METTL14: variants seen among roughly 807,000 people sequenced by gnomAD.
The protein encoded by METTL14 is methyltransferase 14, N6-adenosine-methyltransferase non-catalytic subunit.
Under a neutral mutation model 62.4 loss-of-function variants are expected in METTL14, and 32 were observed. The ratio of observed to expected loss-of-function variants is 0.51; its 90% confidence interval spans 0.39 to 0.69. The LOEUF (loss-of-function observed/expected upper bound fraction) is 0.69. Among genes scored for constraint, METTL14 ranks in the 30% least tolerant of loss-of-function variants. The pLI is 0.00. For synonymous variants in METTL14, 150 were observed against 180.0 expected (o/e 0.83, Z 1.34); for missense variants, 340 against 551.9 (o/e 0.62, Z 3.85).
rs769233439 is a variant in METTL14 at position 118,685,542 on chromosome 4, G to A, written c.8G>A (p.Ser3Asn). ...AAAAGCCGGAGTTGGAACATGGATAGCCGCTTGCAGGAGATCCGGGAGCGG... is the reference window on the plus strand; with the variant it reads ...AAAAGCCGGAGTTGGAACATGGATAACCGCTTGCAGGAGATCCGGGAGCGG... MDSRLQEIRERQK... is the reference protein window; with the variant it reads MDNRLQEIRERQK... The change falls in exon 1 of 11, where the codon AGC becomes AAC. Residue 3 changes from serine (S) to asparagine (N), a missense_variant. This residue lies in a region of METTL14 where 111 missense variants were observed against 116.6 expected (regional missense o/e 0.95). Coordinates refer to ENST00000388822, the MANE Select transcript of METTL14 (RefSeq NM_020961.4). The A allele has an allele frequency of 6.2e-6, 10 of 1,614,080 alleles. No individual in the cohort carries two copies. Among genetic ancestry groups the A allele is most frequent in the African/African-American group, 1.3e-5 (1 of 74,940 alleles).
rs419292 is a variant in METTL14, at chr4:118,712,975, T to C, written c.*2673T>C. 0.66 allele frequency: 99,671 copies of C among 151,964 alleles called. 33,635 individuals carry two copies. The highest frequency in any genetic ancestry group is 0.73 in the Non-Finnish European group (49,385 of 67,988). The allele number at this position is 151,964 out of a possible 1,614,324, so 9.4% of individuals were successfully genotyped here. ...ATTTTATGGTGTGGAATACCATACC[T>C]AAACACAAATGAATCAGATTAGACC... On this transcript the variant is annotated 3_prime_UTR_variant, in exon 11 of 11. Transcript: ENST00000388822.
At chr4:118,702,732 C>A (rs1724631287) in intron 8 of METTL14, among the ~76,000 whole-genome samples, 1 of 152,024 alleles carries the variant, frequency 6.6e-6, no homozygotes, top group Admixed American at 6.6e-5. Context: ...GCCAAGATTA[C>A]CACACTGAAC....
At position 118,711,313 on chromosome 4, in the gene METTL14, C is replaced by T. The variant is rs1724913998; in HGVS notation, c.*1011C>T. On this transcript the variant is annotated 3_prime_UTR_variant, in exon 11 of 11. Coordinates refer to ENST00000388822, the MANE Select transcript of METTL14 (RefSeq NM_020961.4). ...TGTTTGTTTTTAAAATTATATAAGA[C>T]TTTATGCTGTCACTTCTCTTGCTGT... 6.6e-6 allele frequency: 1 copy of T among 152,026 alleles called. No individual in the cohort carries two copies. The highest frequency in any genetic ancestry group is 6.6e-5 in the Admixed American group (1 of 15,262). 9.4% of individuals were successfully genotyped at this position (152,026 alleles called of 1,614,324 possible).
intron 10 of METTL14, among the ~76,000 whole-genome samples, chr4:118,708,577 T>C (rs954711922): frequency 1.3e-5 from 2 of 152,070 alleles, no homozygotes; most frequent in African/African-American, 4.8e-5. Flanking sequence ...ACTGTATTCA[T>C]GCACTTTTAG....
At chr4:118,707,051 T>C (rs1304502456) in intron 10 of METTL14, among the ~76,000 whole-genome samples, 1 of 152,174 alleles carries the variant, frequency 6.6e-6, no homozygotes, top group Non-Finnish European at 1.5e-5. Flanking sequence ...CCTTGTTGCA[T>C]GTTTATTTTT....
chr4:118,685,550 C>G lies in METTL14; in HGVS notation c.16C>G (p.Gln6Glu). The G allele has an allele frequency of 6.2e-7, 1 of 1,614,134 alleles. No homozygotes were observed. The highest frequency in any genetic ancestry group is 2.2e-5 in the East Asian group (1 of 44,866). ...GAGTTGGAACATGGATAGCCGCTTGCAGGAGATCCGGGAGCGGCAGAAGTT... is the reference window on the plus strand; with the variant it reads ...GAGTTGGAACATGGATAGCCGCTTGGAGGAGATCCGGGAGCGGCAGAAGTT... MDSRL[Q>E]EIRERQKLRR... Residue 6 changes from glutamine to glutamate, a missense_variant, in exon 1 of 11, where the codon CAG becomes GAG. Physicochemically the swap from Gln to Glu is conservative, Grantham distance 29. Transcript: ENST00000388822.
chr4:118,704,180 A>G, intron 9 of METTL14, 129 bp downstream of exon 9: 1 of 617,978 alleles, frequency 1.6e-6, no homozygotes, highest in Non-Finnish European at 2.8e-6. Flanking sequence ...GACAGCATTG[A>G]GCATTACAGG....
At chr4:118,695,914 G>A (rs1251080948) in intron 6 of METTL14, among the ~76,000 whole-genome samples, 2 of 151,538 alleles carry the variant, frequency 1.3e-5, no homozygotes, top group Non-Finnish European at 2.9e-5. Flanking sequence ...GATCAAGACC[G>A]TCTTGGCCAA....
In METTL14 at chr4:118,710,005, C is replaced by G. The variant is rs11931194; in HGVS notation, c.1074C>G (p.Leu358=). The part of the protein sequence containing the change: ...GRDSTIRPGW[L]TVGPTLTNSN... ...TTTTTTCCTCCATTTCAGGCTGGCT[C>G]ACAGTTGGACCAACGCTTACAAATA... is the stretch of plus-strand genomic sequence containing the variant. The change falls in exon 11 of 11, where the codon CTC becomes CTG. Residue 358 remains leucine, a synonymous_variant. Transcript: ENST00000388822. 1.3e-6 allele frequency: 2 copies of G among 1,593,584 alleles called. No individual in the cohort carries two copies. Among genetic ancestry groups the G allele is most frequent in the Non-Finnish European group, 1.7e-6 (2 of 1,170,038 alleles).
intron 5 of METTL14, 103 bp from the exon 6 acceptor site, chr4:118,694,333 G>A (rs891565868): frequency 1.4e-6 from 1 of 698,758 alleles, no homozygotes; most frequent in East Asian, 2.7e-5. Context: ...GAGTCAAGTG[G>A]CATGTGTATT....
At chr4:118,694,125 TG>T (rs976507832) in intron 5 of METTL14, among the ~76,000 whole-genome samples, 3 of 148,926 alleles carry the variant, frequency 2.0e-5, no homozygotes, top group Non-Finnish European at 3.0e-5. Context: ...GAAAGGTAGT[TG>T]TTTTTTTTTT....
chr4:118,702,558 T>A (rs1176115802), intron 8 of METTL14, among the ~76,000 whole-genome samples: 1 of 152,056 alleles, frequency 6.6e-6, no homozygotes, highest in Non-Finnish European at 1.5e-5. Flanking sequence ...GGCAGATCAC[T>A]TGAGGCCAGG....
At chr4:118,694,817 T>C (rs902042106) in intron 6 of METTL14, among the ~76,000 whole-genome samples, 1 of 152,030 alleles carries the variant, frequency 6.6e-6, no homozygotes, top group Non-Finnish European at 1.5e-5. Flanking sequence ...TGTTTTGAGA[T>C]GGAGTCTTGC....
At chr4:118,707,154 G>T (rs1248411349) in intron 10 of METTL14, among the ~76,000 whole-genome samples, 6 of 151,940 alleles carry the variant, frequency 3.9e-5, no homozygotes, top group Non-Finnish European at 7.4e-5. Context: ...TTGATATTCA[G>T]GTTAGGGGTA....
chr4:118,707,990 A>G (rs1206525206), intron 10 of METTL14, among the ~76,000 whole-genome samples: 1 of 151,802 alleles, frequency 6.6e-6, no homozygotes, highest in African/African-American at 2.4e-5. Context: ...ACACCTGGCT[A>G]ATTTTTTGTA....
chr4:118,714,980 A>G lies in METTL14; in HGVS notation c.*4678A>G, dbSNP rs1038642549. On this transcript the variant is annotated 3_prime_UTR_variant, in exon 11 of 11. Transcript: ENST00000388822. ...GGAAAAAAGGTTACTTGCTTGAGAC[A>G]GGAAACTATCACCTTTGAAAGCATA... 11 of 152,258 alleles carry G rather than the reference A, an allele frequency of 7.2e-5. No homozygotes were observed. The highest frequency in any genetic ancestry group is 2.7e-4 in the African/African-American group (11 of 41,472). The allele number at this position is 152,258 out of a possible 1,614,324, so 9.4% of individuals were successfully genotyped here.
intron 1 of METTL14, among the ~76,000 whole-genome samples, 189 bp from the exon 2 acceptor site, chr4:118,687,734 C>T (rs1000559837): frequency 2.0e-5 from 3 of 151,998 alleles, no homozygotes; most frequent in African/African-American, 4.8e-5. Context: ...TTAATTAATG[C>T]GGTTTTTTTC....
chr4:118,714,572 T>C lies in METTL14; in HGVS notation c.*4270T>C, dbSNP rs1002912551. 4 of 152,200 alleles carry C rather than the reference T, an allele frequency of 2.6e-5. No individual in the cohort carries two copies. The highest frequency in any genetic ancestry group is 4.4e-5 in the Non-Finnish European group (3 of 68,036). The allele number at this position is 152,200 out of a possible 1,614,324, so 9.4% of individuals were successfully genotyped here. Reference sequence around the variant, plus strand: ...AAAAAATTTAACTTGGCTAACAAAATACCACATGCATATTTTCTTTTTTAT... The same window carrying C: ...AAAAAATTTAACTTGGCTAACAAAACACCACATGCATATTTTCTTTTTTAT... On this transcript the variant is annotated 3_prime_UTR_variant, in exon 11 of 11. Coordinates refer to ENST00000388822, the MANE Select transcript of METTL14 (RefSeq NM_020961.4).
At chr4:118,685,933 G>A (rs188311148) in intron 1 of METTL14, among the ~76,000 whole-genome samples, 8 of 152,048 alleles carry the variant, frequency 5.3e-5, no homozygotes, top group Non-Finnish European at 1.2e-4. Context: ...CTATTAAATG[G>A]TCATCTATTT....
Sources: allele counts gnomAD v4.1 joint callset (sites outside exome capture counted in the v4.1 genomes callset), GRCh38; gene constraint gnomAD v4.1.1; regional missense constraint gnomAD v4.1.1; transcripts MANE v1.5; gene names NCBI Gene and HGNC (gene_info 2026-07-23, HGNC 2026-07-21).